The following TOGARAM1 variants were observed in gnomAD, a reference collection of about 807,000 sequenced individuals.
TOGARAM1 encodes the protein TOG array regulator of axonemal microtubules protein 1.
A neutral mutation model predicts 166.6 loss-of-function variants in TOGARAM1; 100 were observed. That is an observed-to-expected ratio of 0.60 (90% confidence interval 0.51 to 0.71). The LOEUF (loss-of-function observed/expected upper bound fraction) is 0.71. Ranked by LOEUF, TOGARAM1 falls within the 30% of genes least tolerant of loss-of-function variation. TOGARAM1 has a pLI of 0.00. For missense variants in TOGARAM1, 2,029 were observed against 2,102.7 expected (o/e 0.96, Z 0.69); for synonymous variants, 758 against 763.8 (o/e 0.99, Z 0.13).
rs769489108 is a variant in TOGARAM1, at chr14:44,964,072, A to G, written c.1651A>G (p.Lys551Glu). Residue 551 changes from lysine (K) to glutamate (E), a missense_variant, in exon 1 of 20, where the codon AAA becomes GAA. Physicochemically the swap from Lys to Glu is moderately conservative, Grantham distance 56. Transcript: ENST00000361462. ...CTCAGGTAAAACCAGCATCCTTTTT[A>G]AAGCTGTGGATACAGTTGAACTGCA... ...MGSGKTSILF[K>E]AVDTVELQDN... 4 of 1,613,972 alleles carry G rather than the reference A, an allele frequency of 2.5e-6. No individual in the cohort carries two copies. The Admixed American group carries it at 5.0e-5, about 20-fold the overall frequency.
At chr14:45,064,394 G>A (rs1374447388) in intron 16 of TOGARAM1, among the ~76,000 whole-genome samples, 7 of 152,064 alleles carry the variant, frequency 4.6e-5, no homozygotes, top group Non-Finnish European at 5.9e-5. Context: ...GTCTTCCAAA[G>A]TGCTGGGATT....
At chr14:44,984,850 A>G (rs1886708541) in intron 1 of TOGARAM1, among the ~76,000 whole-genome samples, 1 of 152,118 alleles carries the variant, frequency 6.6e-6, no homozygotes, top group African/African-American at 2.4e-5. Flanking sequence ...TTCCCTTAAT[A>G]ATGGGCAAAG....
chr14:45,016,391 G>T (rs1880136146), intron 7 of TOGARAM1, among the ~76,000 whole-genome samples: 1 of 152,120 alleles, frequency 6.6e-6, no homozygotes, highest in Non-Finnish European at 1.5e-5. Context: ...TGTCTTAAAA[G>T]AAAAAAGAAG....
At chr14:45,003,475 G>A (rs1887781546) in intron 3 of TOGARAM1, among the ~76,000 whole-genome samples, 1 of 151,346 alleles carries the variant, frequency 6.6e-6, no homozygotes, top group African/African-American at 2.5e-5. Flanking sequence ...GTTTCCGTAA[G>A]TATAAATTGG....
At chr14:45,018,690 A>G (rs1880304860) in intron 7 of TOGARAM1, among the ~76,000 whole-genome samples, 1 of 152,226 alleles carries the variant, frequency 6.6e-6, no homozygotes, top group South Asian at 2.1e-4. Context: ...TTTAGTCTAT[A>G]ATATAGTTTA....
intron 10 of TOGARAM1, among the ~76,000 whole-genome samples, chr14:45,030,259 A>G (rs2138915201): frequency 6.6e-6 from 1 of 152,328 alleles, no homozygotes; most frequent in Non-Finnish European, 1.5e-5. Flanking sequence ...TTGTATTGTT[A>G]TAATCTCAAG....
chr14:44,995,325 T>C (rs1363588795), intron 1 of TOGARAM1, among the ~76,000 whole-genome samples: 1 of 152,204 alleles, frequency 6.6e-6, no homozygotes, highest in African/African-American at 2.4e-5. Context: ...GATAATAGAT[T>C]TGCCTCAGTA....
chr14:45,055,822 T>G (rs1882605398), intron 16 of TOGARAM1, among the ~76,000 whole-genome samples: 1 of 141,988 alleles, frequency 7.0e-6, no homozygotes, highest in African/African-American at 2.7e-5. Flanking sequence ...AAAAAAAAGA[T>G]TGCTTTGGCT....
rs1037320958 is a variant in TOGARAM1, at chr14:45,011,780, T to C, written c.3138-195T>C. 9 of 422,496 alleles carry C rather than the reference T, an allele frequency of 2.1e-5. No homozygotes were observed. The East Asian group carries it at 2.5e-4, about 12-fold the overall frequency. 26.2% of individuals were successfully genotyped at this position (422,496 alleles called of 1,614,324 possible). A position where few individuals can be genotyped will look rare whatever the true frequency, so the allele number is the denominator to read the frequency against. ...AAAAGGTGAACTAAGAATAGCAAAA[T>C]ATATATGTGTGTGTGTGTGTGTGTG... On this transcript the variant is annotated intron_variant, in intron 6 of 19. Transcript: ENST00000361462.
chr14:45,058,951 A>G (rs1003952891), intron 16 of TOGARAM1, among the ~76,000 whole-genome samples: 2 of 152,168 alleles, frequency 1.3e-5, no homozygotes, highest in African/African-American at 4.8e-5. Context: ...GATAGCAAAT[A>G]TCGACCTTTG....
chr14:45,034,247 A>G (rs1025777152), intron 11 of TOGARAM1, among the ~76,000 whole-genome samples: 3 of 152,186 alleles, frequency 2.0e-5, no homozygotes, highest in African/African-American at 7.2e-5. Flanking sequence ...GAGACAGGAA[A>G]CAAACCAGGT....
At chr14:44,994,243 C>T (rs753103974) in intron 1 of TOGARAM1, among the ~76,000 whole-genome samples, 10 of 152,048 alleles carry the variant, frequency 6.6e-5, no homozygotes, top group Non-Finnish European at 1.3e-4. Flanking sequence ...CTCAGCCTCC[C>T]GAGTAGCTAG....
At chr14:45,072,217 A>T (rs1883416904) in intron 19 of TOGARAM1, among the ~76,000 whole-genome samples, 1 of 152,200 alleles carries the variant, frequency 6.6e-6, no homozygotes, top group African/African-American at 2.4e-5. Context: ...GCAGGTTTGC[A>T]TAGAGGACAT....
At chr14:45,052,378 A>ATTGAAACAAT in intron 14 of TOGARAM1, 58 bp from the exon 15 acceptor site, 1 of 1,494,364 alleles carries the variant, frequency 6.7e-7, no homozygotes, top group Non-Finnish European at 9.2e-7. Flanking sequence ...ATCTAAGGTC[A>ATTGAAACAAT]GCAACTGAGC....
intron 1 of TOGARAM1, among the ~76,000 whole-genome samples, chr14:44,984,107 CTTG>C (rs1886667881): frequency 1.3e-5 from 2 of 152,026 alleles, no homozygotes; most frequent in Admixed American, 6.5e-5. Flanking sequence ...TAGGACAAAA[CTTG>C]TTATTACCTT....
rs144734587 is a variant in TOGARAM1, at chr14:44,963,277, C to T, written c.856C>T (p.Arg286Ter). 5.0e-6 allele frequency: 8 copies of T among 1,614,012 alleles called. No homozygotes were observed. Among genetic ancestry groups the T allele is most frequent in the Non-Finnish European group, 6.8e-6 (8 of 1,180,018 alleles). ...CTCCGCACTTCAACAAATTGGGGAG[C>T]GACTTGGCCAAGACAGGTTTCAATC... ...AFSALQQIGE[R>*]LGQDRFQSYI... The change falls in exon 1 of 20, where the codon CGA becomes TGA. Residue 286 changes from arginine to a stop codon, truncating the protein, a stop_gained. Transcript: ENST00000361462. LOFTEE classifies it high-confidence loss of function.
At chr14:45,072,557 T>G (rs539175048) in intron 19 of TOGARAM1, among the ~76,000 whole-genome samples, 16 of 152,228 alleles carry the variant, frequency 1.1e-4, no homozygotes, top group African/African-American at 3.4e-4. Flanking sequence ...CCTGAGTAGC[T>G]GGGACTACAG....
At chr14:44,999,799 T>G (rs1887610788) in intron 3 of TOGARAM1, among the ~76,000 whole-genome samples, 1 of 152,174 alleles carries the variant, frequency 6.6e-6, no homozygotes, top group Non-Finnish European at 1.5e-5. Context: ...CATTTTGATA[T>G]ACAATGTGTA....
chr14:45,006,480 A>G (rs1879440263), intron 5 of TOGARAM1: 1 of 403,152 alleles, frequency 2.5e-6, no homozygotes. Flanking sequence ...TTAACACTCT[A>G]CTGTATTTTC....
Sources: allele counts gnomAD v4.1 joint callset (sites outside exome capture counted in the v4.1 genomes callset), GRCh38; gene constraint gnomAD v4.1.1; transcripts MANE v1.5; gene names NCBI Gene and HGNC (gene_info 2026-07-23, HGNC 2026-07-21).